ASRGL1: variants seen among roughly 807,000 people sequenced by gnomAD.
ASRGL1 encodes isoaspartyl peptidase/L-asparaginase.
Under a neutral mutation model 22.4 loss-of-function variants are expected in ASRGL1, and 16 were observed. That is an observed-to-expected ratio of 0.71 (90% CI 0.48 to 1.08). The LOEUF is 1.08. Ranked by LOEUF, ASRGL1 falls within the 50% of genes least tolerant of loss-of-function variation. The pLI, the probability that ASRGL1 is intolerant of heterozygous loss-of-function variation, is 0.00. For synonymous variants in ASRGL1, 165 were observed against 159.3 expected (o/e 1.04, Z -0.27); for missense variants, 412 against 410.1 (o/e 1.00, Z -0.04).
At chr11:62,348,708 A>G (rs1294586984) in intron 2 of ASRGL1, among the ~76,000 whole-genome samples, 1 of 79,336 alleles carries the variant, frequency 1.3e-5, no homozygotes, top group Admixed American at 1.4e-4. Flanking sequence ...TCCTCAAAGA[A>G]AAAAAAAAAG....
At chr11:62,383,785 T>G (rs7127401) in intron 4 of ASRGL1, among the ~76,000 whole-genome samples, 147,284 of 150,878 alleles carry the variant, frequency 0.98, 72,016 homozygotes, top group African/African-American at 0.99. Flanking sequence ...TTAGCCAGGC[T>G]TGGCAGTGTG....
At chr11:62,376,121 AAAAAG>A (rs1946923144) in intron 4 of ASRGL1, among the ~76,000 whole-genome samples, 1 of 150,140 alleles carries the variant, frequency 6.7e-6, no homozygotes, top group African/African-American at 2.4e-5. Context: ...AAAAAAAAAA[AAAAAG>A]CTACAAGCAG....
chr11:62,375,456 ATATATATATATATATATATATATATT>A (rs1324959056), intron 4 of ASRGL1, among the ~76,000 whole-genome samples: 3,380 of 102,708 alleles, frequency 0.033, 146 homozygotes, highest in Non-Finnish European at 0.043. Flanking sequence ...ATATATATAT[ATATATATATATATATATATATATATT>A]TCTTGGAGTA....
intron 2 of ASRGL1, among the ~76,000 whole-genome samples, chr11:62,352,131 A>G (rs140919617): frequency 7.3e-4 from 111 of 152,314 alleles, no homozygotes; most frequent in African/African-American, 2.4e-3. Flanking sequence ...CCTCCAAGGA[A>G]GTAATTAAAA....
intron 2 of ASRGL1, among the ~76,000 whole-genome samples, chr11:62,346,815 C>G (rs931294254): frequency 7.9e-5 from 12 of 151,920 alleles, no homozygotes; most frequent in African/African-American, 2.9e-4. Flanking sequence ...ACTAAAACTA[C>G]AAAAATTAGC....
intron 4 of ASRGL1, among the ~76,000 whole-genome samples, chr11:62,379,017 A>G (rs1946998898): frequency 6.6e-6 from 1 of 151,952 alleles, no homozygotes; most frequent in Admixed American, 6.6e-5. Context: ...TTGACTCCTG[A>G]GGCTGTATAA....
Position 62,356,241 on chromosome 11 carries a change from G to A in ASRGL1, c.191-84G>A, listed in dbSNP as rs545493193. 58 of 1,511,824 alleles carry A rather than the reference G, an allele frequency of 3.8e-5. No homozygotes were observed. In the South Asian group the frequency reaches 4.2e-4, roughly 11 times the overall value. 93.7% of individuals were successfully genotyped at this position (1,511,824 alleles called of 1,614,324 possible). A position where few individuals can be genotyped will look rare whatever the true frequency, so the allele number is the denominator to read the frequency against. ...CACCTCCCGGATGGGGCGGCTGGCCGGGCGGGGGGCTGACCCCCCCACCTC... is the reference window on the plus strand; with the variant it reads ...CACCTCCCGGATGGGGCGGCTGGCCAGGCGGGGGGCTGACCCCCCCACCTC... On this transcript the variant is annotated intron_variant, in intron 2 of 6. Transcript: ENST00000415229.
chr11:62,361,481 ATT>A (rs35345092), intron 4 of ASRGL1, among the ~76,000 whole-genome samples: 29,418 of 102,328 alleles, frequency 0.29, 3,077 homozygotes, highest in Admixed American at 0.36. Flanking sequence ...AACCTGGCCA[ATT>A]TTTTTTTTTT....
chr11:62,367,821 A>G (rs765088126), intron 4 of ASRGL1, among the ~76,000 whole-genome samples: 7 of 151,908 alleles, frequency 4.6e-5, no homozygotes, highest in African/African-American at 1.7e-4. Flanking sequence ...ACACGCCTTT[A>G]GTCCCAGCTA....
chr11:62,365,081 AAG>A (rs1480034290), intron 4 of ASRGL1, among the ~76,000 whole-genome samples: 1 of 149,122 alleles, frequency 6.7e-6, no homozygotes, highest in African/African-American at 2.6e-5. Flanking sequence ...AAAAAAAAAA[AAG>A]AAAGAAACAT....
chr11:62,351,378 G>C (rs907088803), intron 2 of ASRGL1, among the ~76,000 whole-genome samples: 7 of 152,114 alleles, frequency 4.6e-5, no homozygotes, highest in African/African-American at 1.7e-4. Context: ...GGCTGAGCCT[G>C]GTGGCTCAAG....
At chr11:62,346,078 C>A (rs1946013117) in intron 2 of ASRGL1, among the ~76,000 whole-genome samples, 1 of 152,158 alleles carries the variant, frequency 6.6e-6, no homozygotes, top group African/African-American at 2.4e-5. Context: ...AGAGTCCAAT[C>A]CCACAGGTTC....
At chr11:62,378,138 G>C (rs1443233369) in intron 4 of ASRGL1, among the ~76,000 whole-genome samples, 2 of 152,090 alleles carry the variant, frequency 1.3e-5, no homozygotes, top group Admixed American at 1.3e-4. Flanking sequence ...ATTTTTGAAA[G>C]TCATTTAATG....
intron 5 of ASRGL1, chr11:62,389,691 C>T: frequency 3.3e-6 from 1 of 306,592 alleles, no homozygotes; most frequent in Non-Finnish European, 6.4e-6. Flanking sequence ...TGACATACTT[C>T]TACAGACACA....
At chr11:62,362,583 A>ATATATATTATATATTATAT (rs1946479353) in intron 4 of ASRGL1, among the ~76,000 whole-genome samples, 1 of 35,648 alleles carries the variant, frequency 2.8e-5, no homozygotes, top group East Asian at 8.6e-4. Context: ...ATATTATATA[A>ATATATATTATATATTATAT]AATATATAAT....
In ASRGL1 at chr11:62,337,970, C is replaced by A. The variant is rs1230265631; in HGVS notation, c.-8C>A. On this transcript the variant is annotated 5_prime_UTR_variant, in exon 2 of 7. Coordinates refer to ENST00000415229, the MANE Select transcript of ASRGL1 (RefSeq NM_001083926.2). ...CTTTCGCCTTCCTGCTGCCTAGGATCCGCCGACATGAATCCCATCGTAGTG... is the reference window on the plus strand; with the variant it reads ...CTTTCGCCTTCCTGCTGCCTAGGATACGCCGACATGAATCCCATCGTAGTG... 4 of 1,589,236 alleles carry A rather than the reference C, an allele frequency of 2.5e-6. No individual in the cohort carries two copies. Among genetic ancestry groups the A allele is most frequent in the Non-Finnish European group, 3.4e-6 (4 of 1,168,124 alleles).
At chr11:62,354,875 C>G (rs1946242099) in intron 2 of ASRGL1, among the ~76,000 whole-genome samples, 1 of 152,026 alleles carries the variant, frequency 6.6e-6, no homozygotes, top group Non-Finnish European at 1.5e-5. Flanking sequence ...AAAAGCAGGT[C>G]AAAGGCCAGG....
At chr11:62,389,035 T>A (rs1038976632) in intron 4 of ASRGL1, 98 bp from the exon 5 acceptor site, 1 of 1,035,264 alleles carries the variant, frequency 9.7e-7, no homozygotes, top group South Asian at 1.5e-5. Flanking sequence ...CCCATCAACA[T>A]ATAACATGAA....
intron 4 of ASRGL1, among the ~76,000 whole-genome samples, chr11:62,376,008 A>C (rs1946918295): frequency 6.6e-6 from 1 of 150,538 alleles, no homozygotes; most frequent in South Asian, 2.1e-4. Flanking sequence ...AGGCTGAGAC[A>C]GGAGAATTGC....
Sources: allele counts gnomAD v4.1 joint callset (sites outside exome capture counted in the v4.1 genomes callset), GRCh38; gene constraint gnomAD v4.1.1; transcripts MANE v1.5; gene names NCBI Gene and HGNC (gene_info 2026-07-23, HGNC 2026-07-21).